The following CERT1 variants were observed in gnomAD, a reference collection of about 807,000 sequenced individuals.
The protein encoded by CERT1 is ceramide transporter 1, also known as ceramide transfer protein.
Under a neutral mutation model 87.9 loss-of-function variants are expected in CERT1, and 31 were observed. That is an observed-to-expected ratio of 0.35 (90% CI 0.27 to 0.48). The LOEUF is 0.48. CERT1 is among the 20% of genes least tolerant of loss of function. CERT1 has a pLI of 0.99. For synonymous variants in CERT1, 289 were observed against 250.9 expected (o/e 1.15, Z -1.44); for missense variants, 487 against 758.0 (o/e 0.64, Z 4.20).
intron 3 of CERT1, among the ~76,000 whole-genome samples, chr5:75,444,564 T>C (rs1764461103): frequency 6.7e-6 from 1 of 149,854 alleles, no homozygotes; most frequent in South Asian, 2.1e-4. Context: ...TTTTTTTTTT[T>C]TTGAGACAGA....
chr5:75,459,196 T>C lies in CERT1; in HGVS notation c.232-15A>G, dbSNP rs964817102. On this transcript the variant is annotated splice_polypyrimidine_tract_variant and intron_variant, in intron 2 of 16. Transcript: ENST00000643780. ...AAATCGTGAGGCTGTGGAGAAAAAG[T>C]AGAAAATGAAAAGCAAAGCTAATTA... 1 of 1,525,216 alleles carries C rather than the reference T, an allele frequency of 6.6e-7. No homozygotes were observed. Among genetic ancestry groups the C allele is most frequent in the East Asian group, 2.3e-5 (1 of 44,336 alleles). The allele number at this position is 1,525,216 out of a possible 1,614,324, so 94.5% of individuals were successfully genotyped here.
intron 16 of CERT1, among the ~76,000 whole-genome samples, chr5:75,380,777 C>CAAAAAAAAAAAAAAAAAA (rs35083616): frequency 1.9e-5 from 1 of 53,380 alleles, no homozygotes; most frequent in Non-Finnish European, 3.6e-5. Context: ...GACTCCATCT[C>CAAAAAAAAAAAAAAAAAA]AAAAAAAAAA....
At chr5:75,457,904 G>A (rs1332011947) in intron 3 of CERT1, among the ~76,000 whole-genome samples, 3 of 146,322 alleles carry the variant, frequency 2.1e-5, no homozygotes, top group African/African-American at 7.6e-5. Context: ...ATGGGTATAG[G>A]CGCGCGTGTG....
At chr5:75,401,632 A>G (rs1284721217) in intron 9 of CERT1, 1 of 152,214 alleles carries the variant, frequency 6.6e-6, no homozygotes, top group Admixed American at 6.5e-5. Context: ...TGAGTGGTAC[A>G]TAGCATCTTT....
At chr5:75,421,398 T>G (rs981006134) in intron 5 of CERT1, among the ~76,000 whole-genome samples, 9 of 152,236 alleles carry the variant, frequency 5.9e-5, no homozygotes, top group African/African-American at 2.2e-4. Flanking sequence ...ATGTTGTCAA[T>G]CATCTATAAC....
At chr5:75,492,149 G>C (rs892255708) in intron 2 of CERT1, among the ~76,000 whole-genome samples, 1 of 152,040 alleles carries the variant, frequency 6.6e-6, no homozygotes, top group Non-Finnish European at 1.5e-5. Context: ...TTTGAAACCA[G>C]TCTGGGCAAC....
At chr5:75,460,672 C>T (rs1220954032) in intron 2 of CERT1, among the ~76,000 whole-genome samples, 1 of 152,230 alleles carries the variant, frequency 6.6e-6, no homozygotes, top group Non-Finnish European at 1.5e-5. Flanking sequence ...CGACAGTGAA[C>T]TTATTTGCTT....
intron 12 of CERT1, among the ~76,000 whole-genome samples, chr5:75,387,724 A>G (rs1424013865): frequency 6.6e-6 from 1 of 151,804 alleles, no homozygotes; most frequent in African/African-American, 2.4e-5. Flanking sequence ...CCTGGGTGAC[A>G]AGAGCAAAAC....
rs1763389351 is a variant in CERT1, at chr5:75,421,809, T to C, written c.596-2385A>G. The stretch of plus-strand genomic sequence containing the variant: ...TCATATCAATGAAAAGTTAAAACAG[T>C]TTGTTACTCACTCTTCAACTCTACC... On this transcript the variant is annotated intron_variant, in intron 5 of 16. Coordinates refer to ENST00000643780, the MANE Select transcript of CERT1 (RefSeq NM_001379029.1). Among the ~76,000 whole-genome samples, 3 of 152,320 alleles carry C rather than the reference T, an allele frequency of 2.0e-5. No homozygotes were observed. In the East Asian group the frequency reaches 5.8e-4, roughly 29 times the overall value.
intron 2 of CERT1, among the ~76,000 whole-genome samples, chr5:75,471,659 T>TGAGGTAGAATTGCTTGAACCTGGGAGGCA (rs1765714961): frequency 1.4e-5 from 2 of 148,140 alleles, no homozygotes; most frequent in African/African-American, 5.1e-5. Flanking sequence ...CTCGGGAGGC[T>TGAGGTAGAATTGCTTGAACCTGGGAGGCA]GAGGTAGAAT....
intron 2 of CERT1, chr5:75,505,437 G>C (rs1191104573): frequency 6.6e-6 from 1 of 152,260 alleles, no homozygotes; most frequent in African/African-American, 2.4e-5. Flanking sequence ...ATCATAAAAA[G>C]TTAGAAGGAG....
chr5:75,491,731 A>C (rs1256641481), intron 2 of CERT1, among the ~76,000 whole-genome samples: 1 of 152,164 alleles, frequency 6.6e-6, no homozygotes, highest in Non-Finnish European at 1.5e-5. Flanking sequence ...ATCTACAAGT[A>C]ATGTTCAAGG....
At chr5:75,398,958 ATAACATATCATATAG>A (rs1430483351) in intron 11 of CERT1, among the ~76,000 whole-genome samples, 1 of 152,242 alleles carries the variant, frequency 6.6e-6, no homozygotes, top group Non-Finnish European at 1.5e-5. Flanking sequence ...CTTTTCTGCT[ATAACATATCATATAG>A]ACCACGTCCA....
chr5:75,373,634 C>A (rs1239580791), downstream of CERT1: 1 of 152,940 alleles, frequency 6.5e-6, no homozygotes, highest in East Asian at 1.9e-4. Flanking sequence ...CAACATGAAT[C>A]ATTATAGAAA....
At chr5:75,385,734 T>C (rs1388997177) in intron 13 of CERT1, among the ~76,000 whole-genome samples, 168 bp downstream of exon 13, 1 of 152,226 alleles carries the variant, frequency 6.6e-6, no homozygotes, top group Non-Finnish European at 1.5e-5. Context: ...TAGGAAGCAT[T>C]TCATACACTG....
At chr5:75,473,264 T>C (rs116620663) in intron 2 of CERT1, among the ~76,000 whole-genome samples, 3,591 of 152,120 alleles carry the variant, frequency 0.024, 138 homozygotes, top group African/African-American at 0.082. Context: ...AAATTTTTTG[T>C]AGGGACAGGG....
chr5:75,467,926 G>A (rs1362695515), intron 2 of CERT1, among the ~76,000 whole-genome samples: 1 of 152,150 alleles, frequency 6.6e-6, no homozygotes, highest in Non-Finnish European at 1.5e-5. Flanking sequence ...ATTTTTACAA[G>A]ATTTTAAGAA....
chr5:75,467,354 A>G (rs1186362323), intron 2 of CERT1, among the ~76,000 whole-genome samples: 1 of 152,184 alleles, frequency 6.6e-6, no homozygotes, highest in East Asian at 1.9e-4. Context: ...AAGAGGTAGC[A>G]TATGAAGCCG....
chr5:75,438,700 C>T (rs903405226), intron 3 of CERT1, among the ~76,000 whole-genome samples: 4 of 152,064 alleles, frequency 2.6e-5, no homozygotes, highest in Admixed American at 6.6e-5. Context: ...TCCATTTCAA[C>T]ATATTTGCTT....
Sources: allele counts gnomAD v4.1 joint callset (sites outside exome capture counted in the v4.1 genomes callset), GRCh38; gene constraint gnomAD v4.1.1; transcripts MANE v1.5; gene names NCBI Gene and HGNC (gene_info 2026-07-23, HGNC 2026-07-21).